The following MDGA2 variants were observed in gnomAD, a reference collection of about 807,000 sequenced individuals.
MDGA2 encodes MAM domain-containing glycosylphosphatidylinositol anchor protein 2.
MDGA2 carries 40 observed loss-of-function variants against 117.8 expected under a neutral mutation model. That is an observed-to-expected ratio of 0.34 (90% CI 0.26 to 0.44). The LOEUF is 0.44. Among genes scored for constraint, MDGA2 ranks in the 20% least tolerant of loss-of-function variants. The probability of loss-of-function intolerance (pLI) is 1.00; values close to 1 mark genes in which losing one functional copy is unlikely to be tolerated. For synonymous variants in MDGA2, 452 were observed against 439.0 expected (o/e 1.03, Z -0.37); for missense variants, 1,123 against 1,250.6 (o/e 0.90, Z 1.54).
chr14:46,923,707 T>G (rs934270572), intron 9 of MDGA2, among the ~76,000 whole-genome samples: 3 of 152,054 alleles, frequency 2.0e-5, no homozygotes, highest in East Asian at 1.9e-4. Context: ...CTGATTTTAT[T>G]GGAAAAGGGC....
chr14:47,200,531 T>G, intron 3 of MDGA2: 1 of 611,754 alleles, frequency 1.6e-6, no homozygotes, highest in Non-Finnish European at 2.5e-6. Flanking sequence ...TTCTTTTTCT[T>G]TTCTTTTTTT....
At chr14:47,406,247 A>G (rs1224544766) in intron 1 of MDGA2, among the ~76,000 whole-genome samples, 4 of 152,160 alleles carry the variant, frequency 2.6e-5, no homozygotes, top group African/African-American at 9.6e-5. Flanking sequence ...TCAGAAATCT[A>G]TCCCAGAGAG....
At chr14:47,286,294 C>T (rs186864192) in intron 2 of MDGA2, among the ~76,000 whole-genome samples, 201 of 151,926 alleles carry the variant, frequency 1.3e-3, no homozygotes, top group African/African-American at 4.5e-3. Flanking sequence ...CAATAGTCAC[C>T]CTATTGTGCT....
intron 2 of MDGA2, among the ~76,000 whole-genome samples, chr14:47,243,069 G>C (rs1365118867): frequency 6.6e-6 from 1 of 151,134 alleles, no homozygotes; most frequent in Non-Finnish European, 1.5e-5. Flanking sequence ...CTAGCTCAAG[G>C]ATTATAAATA....
chr14:47,149,732 A>G (rs1475020201), intron 3 of MDGA2, among the ~76,000 whole-genome samples: 1 of 152,202 alleles, frequency 6.6e-6, no homozygotes, highest in Non-Finnish European at 1.5e-5. Context: ...AGCAGTGTAT[A>G]ACACTATTTC....
At chr14:47,323,171 T>TATAG (rs2139882962) in intron 1 of MDGA2, among the ~76,000 whole-genome samples, 1 of 53,866 alleles carries the variant, frequency 1.9e-5, no homozygotes, top group South Asian at 6.4e-4. Context: ...TATATATATA[T>TATAG]ATATATATAT....
intron 1 of MDGA2, among the ~76,000 whole-genome samples, chr14:47,628,622 T>C (rs1897195475): frequency 6.6e-6 from 1 of 152,196 alleles, no homozygotes; most frequent in African/African-American, 2.4e-5. Context: ...AGACTAAAAC[T>C]ATGGTGAACA....
At chr14:47,104,949 T>C (rs1175733207) in intron 5 of MDGA2, among the ~76,000 whole-genome samples, 1 of 152,094 alleles carries the variant, frequency 6.6e-6, no homozygotes, top group Non-Finnish European at 1.5e-5. Context: ...ATTCCTTTCA[T>C]TTTCTGGTGG....
intron 2 of MDGA2, among the ~76,000 whole-genome samples, chr14:47,282,480 C>T (rs1482534589): frequency 3.3e-5 from 5 of 151,358 alleles, no homozygotes; most frequent in Admixed American, 6.6e-5. Context: ...GAGATTGAGA[C>T]CATCCTGGCT....
intron 1 of MDGA2, among the ~76,000 whole-genome samples, chr14:47,606,446 T>C (rs1344660155): frequency 2.6e-5 from 4 of 152,226 alleles, no homozygotes; most frequent in Non-Finnish European, 2.9e-5. Context: ...AAAAGCTAAA[T>C]ATATATTCTA....
chr14:47,190,012 G>A (rs1459169576), intron 3 of MDGA2, among the ~76,000 whole-genome samples: 2 of 152,124 alleles, frequency 1.3e-5, no homozygotes, highest in Non-Finnish European at 2.9e-5. Flanking sequence ...TCATTTATCT[G>A]TCATTTTAGC....
At chr14:47,626,751 G>A (rs964062768) in intron 1 of MDGA2, among the ~76,000 whole-genome samples, 1 of 152,200 alleles carries the variant, frequency 6.6e-6, no homozygotes, top group Non-Finnish European at 1.5e-5. Flanking sequence ...GCCTCCCAGC[G>A]AGGCAGGGCT....
intron 1 of MDGA2, among the ~76,000 whole-genome samples, chr14:47,651,229 T>A (rs1386543709): frequency 6.6e-6 from 1 of 151,528 alleles, no homozygotes; most frequent in Non-Finnish European, 1.5e-5. Flanking sequence ...TGTGTGTGTG[T>A]GTGTGTGTGT....
intron 1 of MDGA2, among the ~76,000 whole-genome samples, chr14:47,563,322 C>T (rs1425938306): frequency 6.6e-6 from 1 of 152,038 alleles, no homozygotes; most frequent in Non-Finnish European, 1.5e-5. Context: ...ATCTGTAATA[C>T]TGTCAATGGG....
intron 1 of MDGA2, among the ~76,000 whole-genome samples, chr14:47,362,394 G>C (rs528388553): frequency 6.6e-6 from 1 of 152,092 alleles, no homozygotes; most frequent in East Asian, 1.9e-4. Flanking sequence ...AATTAATTGG[G>C]TTATCATTTA....
intron 1 of MDGA2, among the ~76,000 whole-genome samples, chr14:47,490,640 A>G (rs1042937047): frequency 7.9e-5 from 12 of 152,180 alleles, no homozygotes; most frequent in African/African-American, 2.9e-4. Context: ...AATAGAAGTA[A>G]CATTAAAGGT....
At chr14:47,328,021 G>A (rs1296712485) in intron 1 of MDGA2, among the ~76,000 whole-genome samples, 1 of 152,128 alleles carries the variant, frequency 6.6e-6, no homozygotes, top group Non-Finnish European at 1.5e-5. Context: ...TTTGTGTAAT[G>A]TCGAGTAATG....
chr14:46,893,135 G>T (rs187278629), intron 10 of MDGA2, among the ~76,000 whole-genome samples: 2 of 152,002 alleles, frequency 1.3e-5, no homozygotes, highest in East Asian at 3.9e-4. Context: ...TAAAGAAACT[G>T]CAAATTACAC....
chr14:46,987,410 T>C (rs1033975226), intron 8 of MDGA2, among the ~76,000 whole-genome samples: 13 of 152,152 alleles, frequency 8.5e-5, no homozygotes, highest in African/African-American at 2.9e-4. Flanking sequence ...TATTCACTAT[T>C]TATTCATGAT....
Sources: allele counts gnomAD v4.1 joint callset (sites outside exome capture counted in the v4.1 genomes callset), GRCh38; gene constraint gnomAD v4.1.1; transcripts MANE v1.5; gene names NCBI Gene and HGNC (gene_info 2026-07-23, HGNC 2026-07-21).